The following FLRT2 variants were observed in gnomAD, a reference collection of about 807,000 sequenced individuals.
FLRT2 encodes fibronectin leucine rich transmembrane protein 2.
In FLRT2, 15 loss-of-function variants were observed where a neutral mutation model predicts 40.0. The ratio of observed to expected loss-of-function variants is 0.38; its 90% CI spans 0.25 to 0.58. The LOEUF (loss-of-function observed/expected upper bound fraction) is 0.58, where lower values mean the gene tolerates loss of function less well. FLRT2 is among the 20% of genes least tolerant of loss of function. The probability of loss-of-function intolerance (pLI) is 0.71; values close to 1 mark genes in which losing one functional copy is unlikely to be tolerated. For missense variants in FLRT2, 726 were observed against 840.0 expected (o/e 0.86, Z 1.68); for synonymous variants, 380 against 336.8 (o/e 1.13, Z -1.41).
intron 1 of FLRT2, among the ~76,000 whole-genome samples, chr14:85,613,326 T>C (rs1405919257): frequency 6.6e-6 from 1 of 152,120 alleles, no homozygotes; most frequent in Non-Finnish European, 1.5e-5. Flanking sequence ...TATAAGTCAA[T>C]AAGAGCATGG....
intron 1 of FLRT2, among the ~76,000 whole-genome samples, chr14:85,539,358 T>A (rs1447192689): frequency 3.4e-5 from 4 of 117,888 alleles, no homozygotes; most frequent in Non-Finnish European, 7.0e-5. Context: ...TGATGAGAGT[T>A]GTTTGTTTTC....
chr14:85,605,160 C>G (rs558699984), intron 1 of FLRT2, among the ~76,000 whole-genome samples: 160 of 152,282 alleles, frequency 1.1e-3, no homozygotes, highest in Non-Finnish European at 1.9e-3. Flanking sequence ...CCCCACACCC[C>G]CTCTTCCTAT....
chr14:85,534,913 C>A (rs1272746327), intron 1 of FLRT2, among the ~76,000 whole-genome samples: 1 of 140,196 alleles, frequency 7.1e-6, no homozygotes, highest in Non-Finnish European at 1.5e-5. Context: ...TTATTATGAT[C>A]ATTATTTATT....
At position 85,635,613 on chromosome 14, in the gene FLRT2, T is replaced by C. The variant is rs909696526; in HGVS notation, c.*12116T>C. The C allele has an allele frequency of 1.3e-5, 2 of 152,056 alleles. No individual in the cohort carries two copies. Among genetic ancestry groups the C allele is most frequent in the African/African-American group, 4.8e-5 (2 of 41,442 alleles). The allele number at this position is 152,056 out of a possible 1,614,324, so 9.4% of individuals were successfully genotyped here. A position where few individuals can be genotyped will look rare whatever the true frequency, so the allele number is the denominator to read the frequency against. On this transcript the variant is annotated 3_prime_UTR_variant, in exon 2 of 2. Coordinates refer to ENST00000330753, the MANE Select transcript of FLRT2 (RefSeq NM_013231.6). ...AAGAATTATGAGAATAGCTAGAAAATATTAAATAATAAATGTGGTTTATTT... is the reference window on the plus strand; with the variant it reads ...AAGAATTATGAGAATAGCTAGAAAACATTAAATAATAAATGTGGTTTATTT...
chr14:85,560,603 G>A (rs1890246660), intron 1 of FLRT2, among the ~76,000 whole-genome samples: 1 of 150,444 alleles, frequency 6.6e-6, no homozygotes, highest in Non-Finnish European at 1.5e-5. Flanking sequence ...ATAAATAAAA[G>A]AAATAAATAA....
chr14:85,601,582 G>C (rs898307250), intron 1 of FLRT2, among the ~76,000 whole-genome samples: 7 of 152,154 alleles, frequency 4.6e-5, no homozygotes, highest in Non-Finnish European at 7.4e-5. Context: ...TCTGGAGTCA[G>C]AATACTTGGG....
At chr14:85,560,224 C>G (rs1355974547) in intron 1 of FLRT2, among the ~76,000 whole-genome samples, 1 of 151,996 alleles carries the variant, frequency 6.6e-6, no homozygotes, top group Admixed American at 6.6e-5. Flanking sequence ...TGTGAACATA[C>G]AGTTAATTGA....
In FLRT2 at chr14:85,652,428, C is replaced by T. The variant is rs906034454; in HGVS notation, c.*28931C>T. On this transcript the variant is annotated 3_prime_UTR_variant, in exon 2 of 2. Transcript: ENST00000330753. Reference sequence around the variant, plus strand: ...TTTCAGAAGTAATTTGCATTTTCCACCTTGAAGTTGTATTTGCCATTTTGT... The same window carrying T: ...TTTCAGAAGTAATTTGCATTTTCCATCTTGAAGTTGTATTTGCCATTTTGT... 1 of 152,022 alleles carries T rather than the reference C, an allele frequency of 6.6e-6. No individual in the cohort carries two copies. Among genetic ancestry groups the T allele is most frequent in the Non-Finnish European group, 1.5e-5 (1 of 67,962 alleles). 9.4% of individuals were successfully genotyped at this position (152,022 alleles called of 1,614,324 possible).
chr14:85,641,311 C>G lies in FLRT2; in HGVS notation c.*17814C>G, dbSNP rs1894143269. ...TAGAATCGATCACATTTGCTGGACTCCATTATGTTTGGATTCTATGTATAA... is the reference window on the plus strand; with the variant it reads ...TAGAATCGATCACATTTGCTGGACTGCATTATGTTTGGATTCTATGTATAA... On this transcript the variant is annotated 3_prime_UTR_variant, in exon 2 of 2. Transcript: ENST00000330753. The G allele has an allele frequency of 1.3e-5, 2 of 152,174 alleles. No homozygotes were observed. The allele number at this position is 152,174 out of a possible 1,614,324, so 9.4% of individuals were successfully genotyped here. A position where few individuals can be genotyped will look rare whatever the true frequency, so the allele number is the denominator to read the frequency against.
chr14:85,587,769 G>A lies in FLRT2; in HGVS notation c.-376-33370G>A, dbSNP rs575394146. 5.3e-5 allele frequency among the ~76,000 whole-genome samples: 8 copies of A among 152,182 alleles called. No individual in the cohort carries two copies. The South Asian group carries it at 1.7e-3, about 32-fold the overall frequency. The stretch of plus-strand genomic sequence containing the variant: ...CGTATTTCAAAGATGATATTAATAT[G>A]AGAATATTTTTTAACATCCTCTTTT... On this transcript the variant is annotated intron_variant, in intron 1 of 1. Transcript: ENST00000330753.
intron 1 of FLRT2, among the ~76,000 whole-genome samples, chr14:85,531,573 A>ACTC (rs1310867927): frequency 6.6e-6 from 1 of 151,746 alleles, no homozygotes; most frequent in Non-Finnish European, 1.5e-5. Context: ...TACCCGGGAA[A>ACTC]CTCCTAGAGC....
intron 1 of FLRT2, among the ~76,000 whole-genome samples, chr14:85,554,190 G>A (rs1889813863): frequency 1.3e-5 from 2 of 152,200 alleles, no homozygotes; most frequent in Admixed American, 6.5e-5. Flanking sequence ...GAGTGAGCCA[G>A]CAATCAACAA....
intron 1 of FLRT2, among the ~76,000 whole-genome samples, chr14:85,567,313 G>A (rs923306870): frequency 6.6e-6 from 1 of 152,100 alleles, no homozygotes; most frequent in African/African-American, 2.4e-5. Flanking sequence ...CTGGAATCTC[G>A]AAGCTTCCTT....
intron 1 of FLRT2, chr14:85,561,259 T>G (rs767246801): frequency 2.6e-5 from 4 of 152,154 alleles, no homozygotes; most frequent in Non-Finnish European, 4.4e-5. Flanking sequence ...GAGCTGTACA[T>G]GTATCTGGAG....
chr14:85,544,461 A>C (rs7160530), intron 1 of FLRT2, among the ~76,000 whole-genome samples: 2 of 152,084 alleles, frequency 1.3e-5, no homozygotes, highest in African/African-American at 2.4e-5. Context: ...GTCTTGTGAA[A>C]TTTTGTGCAT....
rs1893840056 is a variant in FLRT2, at chr14:85,630,432, A to T, written c.*6935A>T. On this transcript the variant is annotated 3_prime_UTR_variant, in exon 2 of 2. Transcript: ENST00000330753. ...CTAATATAAAAAACTATGCTGGCTC[A>T]AAAAGTCTTCTAAACTCCCTAGTTG... 1 of 152,094 alleles carries T rather than the reference A, an allele frequency of 6.6e-6. No individual in the cohort carries two copies. The allele number at this position is 152,094 out of a possible 1,614,324, so 9.4% of individuals were successfully genotyped here.
chr14:85,530,779 G>T (rs993312485), intron 1 of FLRT2, among the ~76,000 whole-genome samples: 1 of 152,120 alleles, frequency 6.6e-6, no homozygotes, highest in African/African-American at 2.4e-5. Flanking sequence ...TCATGACTGA[G>T]TTCTGGGTCA....
intron 1 of FLRT2, among the ~76,000 whole-genome samples, chr14:85,581,185 A>T (rs1891370750): frequency 6.6e-6 from 1 of 152,180 alleles, no homozygotes; most frequent in African/African-American, 2.4e-5. Flanking sequence ...AAACATTCTG[A>T]TCTAGATTTG....
chr14:85,565,221 A>G (rs1363819806), intron 1 of FLRT2, among the ~76,000 whole-genome samples: 4 of 152,192 alleles, frequency 2.6e-5, no homozygotes, highest in African/African-American at 9.7e-5. Flanking sequence ...CCCAAATAGC[A>G]TATGCAGCCT....
Sources: allele counts gnomAD v4.1 joint callset (sites outside exome capture counted in the v4.1 genomes callset), GRCh38; gene constraint gnomAD v4.1.1; transcripts MANE v1.5; gene names NCBI Gene and HGNC (gene_info 2026-07-23, HGNC 2026-07-21).